Variants in SHTN1 observed in about 807,000 individuals in gnomAD.
The protein encoded by SHTN1 is shootin-1.
In SHTN1, 42 loss-of-function variants were observed where a neutral mutation model predicts 83.1. The ratio of observed to expected loss-of-function variants is 0.51; its 90% CI spans 0.39 to 0.65. The LOEUF is 0.65. SHTN1 is among the 30% of genes least tolerant of loss of function. The probability of loss-of-function intolerance (pLI) is 0.00; values close to 1 mark genes in which losing one functional copy is unlikely to be tolerated. For synonymous variants in SHTN1, 224 were observed against 247.7 expected (o/e 0.90, Z 0.90); for missense variants, 622 against 737.8 (o/e 0.84, Z 1.82).
chr10:116,937,129 T>C (rs1419292805), intron 9 of SHTN1, among the ~76,000 whole-genome samples: 1 of 152,192 alleles, frequency 6.6e-6, no homozygotes. Context: ...TGCCAGTCTG[T>C]GTCTTTTAAT....
chr10:116,881,744 C>A lies in SHTN1; in HGVS notation c.*4600G>T. 3 of 1,162,634 alleles carry A rather than the reference C, an allele frequency of 2.6e-6. No individual in the cohort carries two copies. Among genetic ancestry groups the A allele is most frequent in the Non-Finnish European group, 3.4e-6 (3 of 890,516 alleles). 72.0% of individuals were successfully genotyped at this position (1,162,634 alleles called of 1,614,324 possible). On this transcript the variant is annotated 3_prime_UTR_variant, in exon 17 of 17. Transcript: ENST00000355371. Reference sequence around the variant, plus strand: ...GGAGGTCTGAAGTACGGCGCCGTGTCTCCACATGGAGTTTCCTCTTCAACT... The same window carrying A: ...GGAGGTCTGAAGTACGGCGCCGTGTATCCACATGGAGTTTCCTCTTCAACT...
At chr10:117,123,015 T>C (rs899554014) in intron 1 of SHTN1, among the ~76,000 whole-genome samples, 60 of 152,160 alleles carry the variant, frequency 3.9e-4, no homozygotes, top group Non-Finnish European at 1.5e-4. Context: ...GGTTGTTTTG[T>C]TTTGGAGATG....
intron 2 of SHTN1, among the ~76,000 whole-genome samples, chr10:117,016,283 G>A (rs967787388): frequency 2.0e-5 from 3 of 152,064 alleles, no homozygotes; most frequent in African/African-American, 2.4e-5. Flanking sequence ...CTGTGTGTGC[G>A]TTTTATGTAT....
intron 1 of SHTN1, among the ~76,000 whole-genome samples, chr10:117,004,622 T>C (rs1466832097): frequency 2.6e-5 from 4 of 151,880 alleles, no homozygotes; most frequent in Non-Finnish European, 4.4e-5. Flanking sequence ...CCAACAAATG[T>C]GTAAGGGTGG....
At chr10:116,994,464 A>G (rs529985119) in intron 1 of SHTN1, among the ~76,000 whole-genome samples, 28 of 152,200 alleles carry the variant, frequency 1.8e-4, no homozygotes, top group African/African-American at 6.5e-4. Flanking sequence ...TTGACAAGAG[A>G]AAATAAAAGA....
intron 1 of SHTN1, among the ~76,000 whole-genome samples, chr10:116,993,401 C>T (rs914991372): frequency 1.3e-5 from 2 of 152,062 alleles, no homozygotes; most frequent in African/African-American, 4.8e-5. Flanking sequence ...TTAAAGATAG[C>T]AATGAGCACT....
intron 15 of SHTN1, among the ~76,000 whole-genome samples, chr10:116,902,297 G>A (rs1397869443): frequency 2.6e-5 from 4 of 152,036 alleles, no homozygotes; most frequent in Non-Finnish European, 4.4e-5. Flanking sequence ...AGCCCTACTC[G>A]AACCATTTCG....
intron 2 of SHTN1, among the ~76,000 whole-genome samples, chr10:117,016,552 G>A (rs1189469954): frequency 3.3e-5 from 5 of 152,232 alleles, no homozygotes; most frequent in South Asian, 2.1e-4. Flanking sequence ...AACTACGGGC[G>A]TGTGCCACCA....
At chr10:117,067,824 A>G (rs550770495) in intron 1 of SHTN1, among the ~76,000 whole-genome samples, 1 of 152,284 alleles carries the variant, frequency 6.6e-6, no homozygotes, top group East Asian at 1.9e-4. Context: ...ATTTGGTAAC[A>G]TATTGGATAT....
At chr10:117,005,399 AG>A (rs1208999818), upstream of SHTN1, 16 of 1,157,128 alleles carry the variant, frequency 1.4e-5, no homozygotes, top group South Asian at 2.2e-4. Flanking sequence ...CGCTGGTGGG[AG>A]GGGGGGCGGC....
At chr10:116,983,687 A>ATAGATAG (rs1851124220) in intron 1 of SHTN1, among the ~76,000 whole-genome samples, 6 of 60,252 alleles carry the variant, frequency 1.0e-4, no homozygotes, top group East Asian at 5.2e-4. Context: ...TAGATAGATA[A>ATAGATAG]ATACATACAT....
At chr10:116,900,923 T>C (rs1241177589) in intron 16 of SHTN1, 10 of 985,286 alleles carry the variant, frequency 1.0e-5, no homozygotes, top group Admixed American at 6.1e-5. Flanking sequence ...TTGGCAAAAA[T>C]AGATCCAAAT....
intron 2 of SHTN1, among the ~76,000 whole-genome samples, chr10:116,971,391 G>T (rs1386997107): frequency 6.6e-6 from 1 of 152,146 alleles, no homozygotes; most frequent in Non-Finnish European, 1.5e-5. Flanking sequence ...TGATTTTTTG[G>T]TGTTTAAAAT....
intron 3 of SHTN1, among the ~76,000 whole-genome samples, chr10:116,962,264 T>C (rs1465344601): frequency 6.6e-6 from 1 of 152,220 alleles, no homozygotes; most frequent in East Asian, 1.9e-4. Context: ...ACAAAGCCCA[T>C]GTAGCTCTTC....
At chr10:116,989,711 C>T (rs1851350005) in intron 1 of SHTN1, among the ~76,000 whole-genome samples, 1 of 152,130 alleles carries the variant, frequency 6.6e-6, no homozygotes, top group South Asian at 2.1e-4. Flanking sequence ...TTTCCTTTGT[C>T]CTATCACTTC....
chr10:116,951,215 G>A (rs373524045), intron 6 of SHTN1, among the ~76,000 whole-genome samples: 5 of 152,190 alleles, frequency 3.3e-5, no homozygotes, highest in African/African-American at 1.2e-4. Context: ...TCAAGTCCAG[G>A]AGTTCAAGGT....
At chr10:117,032,473 G>A (rs938607351) in intron 2 of SHTN1, among the ~76,000 whole-genome samples, 1 of 151,938 alleles carries the variant, frequency 6.6e-6, no homozygotes, top group African/African-American at 2.4e-5. Context: ...CAAAGTGCTG[G>A]GATTACAGAC....
intron 2 of SHTN1, among the ~76,000 whole-genome samples, chr10:116,971,135 G>C (rs1172721104): frequency 1.3e-5 from 2 of 152,012 alleles, no homozygotes; most frequent in African/African-American, 4.8e-5. Context: ...TGCTCATATG[G>C]GTAAATGTAT....
At chr10:117,053,265 G>C (rs74501812) in intron 1 of SHTN1, among the ~76,000 whole-genome samples, 1,873 of 151,806 alleles carry the variant, frequency 0.012, 47 homozygotes, top group African/African-American at 0.042. Flanking sequence ...AGATAAACTT[G>C]ACTTGGTCAA....
Sources: gnomAD v4.1 joint callset for allele counts (sites outside exome capture counted in the v4.1 genomes callset) on GRCh38, gnomAD v4.1.1 for gene constraint, MANE v1.5 for transcripts, NCBI Gene and HGNC (gene_info 2026-07-23, HGNC 2026-07-21) for gene names.